Variants in SCARB1 observed in about 807,000 individuals in gnomAD.
SCARB1 encodes scavenger receptor class B member 1.
A neutral mutation model predicts 57.2 loss-of-function variants in SCARB1; 30 were observed. The observed-to-expected ratio is 0.52, with a 90% CI of 0.39 to 0.71. The LOEUF (loss-of-function observed/expected upper bound fraction) is 0.71. Among genes scored for constraint, SCARB1 ranks in the 30% least tolerant of loss-of-function variants. The pLI is 0.00. For missense variants in SCARB1, 543 were observed against 671.2 expected (o/e 0.81, Z 2.11); for synonymous variants, 249 against 268.3 (o/e 0.93, Z 0.70).
rs1953005869 is a variant in SCARB1, at chr12:124,863,819, G to C, written c.-99C>G. 1.4e-5 allele frequency: 18 copies of C among 1,331,942 alleles called. No individual in the cohort carries two copies. Among genetic ancestry groups the C allele is most frequent in the Non-Finnish European group, 1.7e-5 (18 of 1,037,092 alleles). 82.5% of individuals were successfully genotyped at this position (1,331,942 alleles called of 1,614,324 possible). A position where few individuals can be genotyped will look rare whatever the true frequency, so the allele number is the denominator to read the frequency against. On this transcript the variant is annotated 5_prime_UTR_variant, in exon 1 of 13. Coordinates refer to ENST00000261693, the MANE Select transcript of SCARB1 (RefSeq NM_005505.5). ...CGACACAGGCGGGGACTCCGGGCAC[G>C]CAGGCCGCAGAGGCACGGTGGATCC...
rs1872545814 is a variant in SCARB1 at position 124,777,043 on chromosome 12, T to C, written c.*1544A>G. ...GAGCTTGTTCGTATATTCTTTGAAA[T>C]GTTCGGCAGTGAATACCCTCTCCTC... On this transcript the variant is annotated 3_prime_UTR_variant, in exon 13 of 13. Transcript: ENST00000261693. 6.6e-6 allele frequency: 1 copy of C among 152,150 alleles called. No individual in the cohort carries two copies. The highest frequency in any genetic ancestry group is 1.5e-5 in the Non-Finnish European group (1 of 68,024). 9.4% of individuals were successfully genotyped at this position (152,150 alleles called of 1,614,324 possible). A position where few individuals can be genotyped will look rare whatever the true frequency, so the allele number is the denominator to read the frequency against.
At chr12:124,813,883 C>A (rs1474232050) in intron 4 of SCARB1, among the ~76,000 whole-genome samples, 1 of 152,150 alleles carries the variant, frequency 6.6e-6, no homozygotes, top group East Asian at 1.9e-4. Flanking sequence ...GATTAAGAGT[C>A]AGCTTGTGAT....
intron 1 of SCARB1, among the ~76,000 whole-genome samples, chr12:124,853,533 T>C (rs1158661003): frequency 1.3e-5 from 2 of 152,008 alleles, no homozygotes; most frequent in African/African-American, 2.4e-5. Context: ...TAGCTGGAAT[T>C]ACAGGCACAT....
At chr12:124,827,388 C>T (rs12427061) in intron 1 of SCARB1, among the ~76,000 whole-genome samples, 12,677 of 151,596 alleles carry the variant, frequency 0.084, 669 homozygotes, top group Admixed American at 0.12. Context: ...TTACAGATAA[C>T]ACCAGTAGTT....
intron 7 of SCARB1, among the ~76,000 whole-genome samples, chr12:124,806,464 G>T (rs919121926): frequency 6.6e-6 from 1 of 152,164 alleles, no homozygotes; most frequent in Non-Finnish European, 1.5e-5. Flanking sequence ...ACGAGAAGAT[G>T]TTACGTAACA....
At position 124,817,369 on chromosome 12, in the gene SCARB1, A is replaced by C. The variant is rs1047443532; in HGVS notation, c.284+181T>G. ...TCCCATCTCTAAAAAAAAAAAAAAA[A>C]AAAAAAAAAACCCTAAAACAAAAAC... On this transcript the variant is annotated intron_variant, in intron 2 of 12. Transcript: ENST00000261693. This position sits in a 1 kb window ranked among gnomAD's most constrained non-coding sequence, Gnocchi z 4.8. Among the ~76,000 whole-genome samples the C allele has an allele frequency of 2.0e-5, 3 of 151,114 alleles. No individual in the cohort carries two copies. The highest frequency in any genetic ancestry group is 7.3e-5 in the African/African-American group (3 of 41,206).
chr12:124,791,062 T>TA (rs1269248535), intron 9 of SCARB1, among the ~76,000 whole-genome samples: 2 of 152,160 alleles, frequency 1.3e-5, no homozygotes, highest in African/African-American at 4.8e-5. Context: ...CAGCCCCTAG[T>TA]AAAAACCCTG....
At position 124,777,701 on chromosome 12, in the gene SCARB1, AG is replaced by A. The variant is rs1872624775; in HGVS notation, c.*885del. On this transcript the variant is annotated 3_prime_UTR_variant, in exon 13 of 13. Transcript: ENST00000261693. ...AGATGATAAAACTCATTTCTATTCC[AG>A]TAGAAAAGGGTCACAGGTTTGCCCC... is the stretch of plus-strand genomic sequence containing the variant. The A allele has an allele frequency of 6.6e-6, 1 of 152,242 alleles. No individual in the cohort carries two copies. The highest frequency in any genetic ancestry group is 1.5e-5 in the Non-Finnish European group (1 of 68,050). The allele number at this position is 152,242 out of a possible 1,614,324, so 9.4% of individuals were successfully genotyped here. A position where few individuals can be genotyped will look rare whatever the true frequency, so the allele number is the denominator to read the frequency against.
chr12:124,841,289 A>G (rs966650544), intron 1 of SCARB1, among the ~76,000 whole-genome samples: 18 of 151,772 alleles, frequency 1.2e-4, no homozygotes, highest in Admixed American at 2.0e-4. Flanking sequence ...GGAGAATGGC[A>G]TGAACCAGGG....
chr12:124,823,954 C>A (rs1171774791), intron 1 of SCARB1, among the ~76,000 whole-genome samples: 2 of 151,786 alleles, frequency 1.3e-5, no homozygotes, highest in Non-Finnish European at 2.9e-5. Flanking sequence ...CACCTGAGGT[C>A]AGGAGTTCAA....
Position 124,817,517 on chromosome 12 carries a change from G to T in SCARB1, c.284+33C>A. On this transcript the variant is annotated intron_variant, in intron 2 of 12. Transcript: ENST00000261693. The surrounding 1 kb of genome is among the most constrained non-coding windows in gnomAD (Gnocchi z 4.8). Reference sequence around the variant, plus strand: ...ACCCCTCCCCTGCCCAGCCTCAGCCGGCCCCTCCACCCTCACCTGGACACA... The same window carrying T: ...ACCCCTCCCCTGCCCAGCCTCAGCCTGCCCCTCCACCCTCACCTGGACACA... 1 of 1,610,234 alleles carries T rather than the reference G, an allele frequency of 6.2e-7. No individual in the cohort carries two copies. The highest frequency in any genetic ancestry group is 1.7e-4 in the Middle Eastern group (1 of 5,960).
intron 9 of SCARB1, among the ~76,000 whole-genome samples, chr12:124,790,984 T>C (rs75491806): frequency 6.6e-6 from 1 of 152,242 alleles, no homozygotes. Context: ...TGGTTTATAC[T>C]GACCACCAGC....
At chr12:124,850,206 C>A (rs1251916727) in intron 1 of SCARB1, among the ~76,000 whole-genome samples, 1 of 151,708 alleles carries the variant, frequency 6.6e-6, no homozygotes, top group African/African-American at 2.4e-5. Flanking sequence ...AACCTCGCCT[C>A]TACTAAAAAT....
chr12:124,781,202 C>G (rs1280774702), intron 12 of SCARB1, among the ~76,000 whole-genome samples: 1 of 152,210 alleles, frequency 6.6e-6, no homozygotes, highest in African/African-American at 2.4e-5. Flanking sequence ...AGGCTCCTGC[C>G]TGCCCACCCC....
intron 1 of SCARB1, among the ~76,000 whole-genome samples, chr12:124,835,822 T>A (rs961746572): frequency 1.3e-5 from 2 of 152,186 alleles, no homozygotes; most frequent in African/African-American, 4.8e-5. Flanking sequence ...GGAACCTGGG[T>A]GATGTCCAGC....
At position 124,800,367 on chromosome 12, in the gene SCARB1, CAG is replaced by C; in HGVS notation, c.1010-127_1010-126del. On this transcript the variant is annotated intron_variant, in intron 7 of 12. Transcript: ENST00000261693. The surrounding 1 kb of genome is among the most constrained non-coding windows in gnomAD (Gnocchi z 4.8). Reference sequence around the variant, plus strand: ...CCGTGGCGATGACAAGATAACCAGACAGAGAGGATCCCTTCCTCCATTCTGTA... The same window carrying C: ...CCGTGGCGATGACAAGATAACCAGACAGAGGATCCCTTCCTCCATTCTGTA... 1 of 679,268 alleles carries C rather than the reference CAG, an allele frequency of 1.5e-6. No individual in the cohort carries two copies. Among genetic ancestry groups the C allele is most frequent in the East Asian group, 2.6e-5 (1 of 37,994 alleles). The allele number at this position is 679,268 out of a possible 1,614,324, so 42.1% of individuals were successfully genotyped here. A position where few individuals can be genotyped will look rare whatever the true frequency, so the allele number is the denominator to read the frequency against.
Position 124,863,555 on chromosome 12 carries a change from CG to C in SCARB1, c.126+39del, listed in dbSNP as rs773084064. 5 of 1,588,178 alleles carry C rather than the reference CG, an allele frequency of 3.1e-6. No homozygotes were observed. In the South Asian group the frequency reaches 4.5e-5, roughly 14 times the overall value. ...TCCCGGCGCCCAGCGCCCAACAGCC[CG>C]GGTCCGTGCGCGGACCCCCTGGGGT... On this transcript the variant is annotated intron_variant, in intron 1 of 12. Transcript: ENST00000261693.
intron 1 of SCARB1, among the ~76,000 whole-genome samples, chr12:124,832,047 C>G (rs773236933): frequency 3.9e-5 from 6 of 152,130 alleles, no homozygotes; most frequent in Non-Finnish European, 8.8e-5. Flanking sequence ...GAAAATGATA[C>G]GAAGGAGAAA....
At chr12:124,786,639 G>GA in intron 10 of SCARB1, 136 bp from the exon 11 acceptor site, 1 of 1,507,078 alleles carries the variant, frequency 6.6e-7, no homozygotes, top group Non-Finnish European at 8.9e-7. Context: ...GCATGTGTTG[G>GA]AGCCTGCCAG....
Sources: gnomAD v4.1 joint callset for allele counts (sites outside exome capture counted in the v4.1 genomes callset) on GRCh38, gnomAD v4.1.1 for gene constraint, Gnocchi (gnomAD v3.1) non-coding constraint, MANE v1.5 for transcripts, NCBI Gene and HGNC (gene_info 2026-07-23, HGNC 2026-07-21) for gene names.